ENGASE: variants seen among roughly 807,000 people sequenced by gnomAD.
The protein encoded by ENGASE is endo-beta-N-acetylglucosaminidase, also known as cytosolic endo-beta-N-acetylglucosaminidase.
A neutral mutation model predicts 78.5 loss-of-function variants in ENGASE; 69 were observed. The ratio of observed to expected loss-of-function variants is 0.88; its 90% CI spans 0.72 to 1.07. The LOEUF is 1.07. ENGASE is among the 50% of genes least tolerant of loss of function. ENGASE has a pLI of 0.00. For missense variants in ENGASE, 943 were observed against 988.4 expected (o/e 0.95, Z 0.62); for synonymous variants, 408 against 408.9 (o/e 1.00, Z 0.03).
chr17:79,078,121 C>A (rs2073014126), intron 3 of ENGASE, among the ~76,000 whole-genome samples: 1 of 152,138 alleles, frequency 6.6e-6, no homozygotes, highest in Non-Finnish European at 1.5e-5. Context: ...AGGTGGGTCA[C>A]CTGACCTCAG....
intron 1 of ENGASE, among the ~76,000 whole-genome samples, chr17:79,075,391 C>A (rs541265120): frequency 6.6e-6 from 1 of 152,348 alleles, no homozygotes; most frequent in Admixed American, 6.5e-5. Flanking sequence ...CCCGGCCAGA[C>A]CCCTGCTTCC....
Position 79,077,464 on chromosome 17 carries a change from G to A in ENGASE, c.181G>A (p.Glu61Lys). 6.3e-7 allele frequency: 1 copy of A among 1,576,770 alleles called. No individual in the cohort carries two copies. The highest frequency in any genetic ancestry group is 8.6e-7 in the Non-Finnish European group (1 of 1,166,436). Residue 61 changes from glutamate to lysine, a missense_variant, in exon 2 of 14, where the codon GAG becomes AAG. Coordinates refer to ENST00000579016, the MANE Select transcript of ENGASE (RefSeq NM_001042573.3). ...TGAAGAAGAAGAGACAGTCTTTCGA[G>A]AGGTGGTCAGTTTTTCCCCGGACCC... The part of the protein sequence containing the change: ...KDEEEETVFR[E>K]VVSFSPDPLP...
chr17:79,074,909 G>T lies in ENGASE; in HGVS notation c.-36G>T, dbSNP rs2145960895. 1 of 1,254,130 alleles carries T rather than the reference G, an allele frequency of 8.0e-7. No homozygotes were observed. Among genetic ancestry groups the T allele is most frequent in the East Asian group, 3.0e-5 (1 of 33,042 alleles). 77.7% of individuals were successfully genotyped at this position (1,254,130 alleles called of 1,614,324 possible). Reference sequence around the variant, plus strand: ...GAGCGCGGCGCGGGGGCGGGCCCGGGCCTGCGATTGCCTCTCGGCGTGCGC... The same window carrying T: ...GAGCGCGGCGCGGGGGCGGGCCCGGTCCTGCGATTGCCTCTCGGCGTGCGC... On this transcript the variant is annotated 5_prime_UTR_variant, in exon 1 of 14. Transcript: ENST00000579016.
In ENGASE at chr17:79,083,605, T is replaced by G; in HGVS notation, c.1251+15T>G. On this transcript the variant is annotated intron_variant, in intron 9 of 13. Coordinates refer to ENST00000579016, the MANE Select transcript of ENGASE (RefSeq NM_001042573.3). The surrounding 1 kb of genome is among the most constrained non-coding windows in gnomAD (Gnocchi z 4.9). ...GCTATGGCCAGGTGGGTGGGTGTCT[T>G]CCCTCCGTGTCTGTCCTCTGGCCTC... 3.1e-6 allele frequency: 5 copies of G among 1,605,392 alleles called. No homozygotes were observed. The highest frequency in any genetic ancestry group is 3.4e-6 in the Non-Finnish European group (4 of 1,172,316).
At chr17:79,076,237 G>A (rs1339023399) in intron 1 of ENGASE, among the ~76,000 whole-genome samples, 1 of 152,206 alleles carries the variant, frequency 6.6e-6, no homozygotes, top group Non-Finnish European at 1.5e-5. Context: ...CCTCTAAATA[G>A]CCACTGCGGT....
Position 79,076,532 on chromosome 17 carries a change from C to G in ENGASE, c.147-898C>G, listed in dbSNP as rs2072971698. ...TGAGCTGAGATTTCACCACCTTACT[C>G]CAGCCTGGGCGACAGAGCGAGACTC... On this transcript the variant is annotated intron_variant, in intron 1 of 13. Coordinates refer to ENST00000579016, the MANE Select transcript of ENGASE (RefSeq NM_001042573.3). 2.0e-5 allele frequency among the ~76,000 whole-genome samples: 3 copies of G among 152,212 alleles called. No individual in the cohort carries two copies. The South Asian group carries it at 6.2e-4, about 32-fold the overall frequency.
chr17:79,087,433 C>G lies in ENGASE; in HGVS notation c.*1084C>G, dbSNP rs1332712586. The G allele has an allele frequency of 4.6e-6, 1 of 215,210 alleles. No homozygotes were observed. The highest frequency in any genetic ancestry group is 9.6e-6 in the Non-Finnish European group (1 of 103,696). 13.3% of individuals were successfully genotyped at this position (215,210 alleles called of 1,614,324 possible). On this transcript the variant is annotated 3_prime_UTR_variant, in exon 14 of 14. Coordinates refer to ENST00000579016, the MANE Select transcript of ENGASE (RefSeq NM_001042573.3). Reference sequence around the variant, plus strand: ...CCTTCCTCTGTCCTTCCTGCTCTTTCTTCTCTGCCCAGGCCGCTGCAGCTG... The same window carrying G: ...CCTTCCTCTGTCCTTCCTGCTCTTTGTTCTCTGCCCAGGCCGCTGCAGCTG...
Position 79,080,355 on chromosome 17 carries a change from C to T in ENGASE, c.714C>T (p.Asn238=). The change falls in exon 5 of 14, where the codon AAC becomes AAT. Residue 238 remains asparagine, a synonymous_variant. Coordinates refer to ENST00000579016, the MANE Select transcript of ENGASE (RefSeq NM_001042573.3). ...RFDGWLINIE[N]SLSLAAVGNM... is the part of the protein sequence containing the mutation. ...ATGGCTGGCTGATCAACATCGAGAACTCGCTGAGTGTGAGTGCCCAGCCCT... is the reference window on the plus strand; with the variant it reads ...ATGGCTGGCTGATCAACATCGAGAATTCGCTGAGTGTGAGTGCCCAGCCCT... 6.2e-7 allele frequency: 1 copy of T among 1,613,304 alleles called. No individual in the cohort carries two copies. Among genetic ancestry groups the T allele is most frequent in the Non-Finnish European group, 8.5e-7 (1 of 1,179,998 alleles).
Position 79,085,711 on chromosome 17 carries a change from A to C in ENGASE, c.1792A>C (p.Thr598Pro). ...GGGTAGTCGGGAGGAGGAGAGCTTC[A>C]CCTGTCGGCTTGGAGAGATCCAGGT... ...PPGSREEESFTCRLGEIQVVD... is the reference protein window; with the variant it reads ...PPGSREEESFPCRLGEIQVVD... Residue 598 changes from threonine to proline, a missense_variant, in exon 13 of 14, where the codon ACC becomes CCC. By Grantham distance (38) the Thr-to-Pro change is conservative. Transcript: ENST00000579016. The C allele has an allele frequency of 6.2e-7, 1 of 1,613,588 alleles. No individual in the cohort carries two copies. Among genetic ancestry groups the C allele is most frequent in the South Asian group, 1.1e-5 (1 of 91,056 alleles).
chr17:79,085,072 A>T lies in ENGASE; in HGVS notation c.1592-162A>T, dbSNP rs191410499. On this transcript the variant is annotated intron_variant, in intron 11 of 13. Transcript: ENST00000579016. ...CTGACCCCAGACACGCATTTCCTTC[A>T]CCGAGCTCCTCCGGAGTCCTTGCTG... Among the ~76,000 whole-genome samples the T allele has an allele frequency of 5.9e-5, 9 of 152,156 alleles. No homozygotes were observed. In the East Asian group the frequency reaches 1.7e-3, roughly 30 times the overall value.
intron 5 of ENGASE, 33 bp downstream of exon 5, chr17:79,080,397 C>A: frequency 6.2e-7 from 1 of 1,605,194 alleles, no homozygotes; most frequent in Non-Finnish European, 8.5e-7. Context: ...CCTCCCCGCC[C>A]CTTGCTGTGT....
chr17:79,078,477 G>A (rs2073023553), intron 3 of ENGASE, among the ~76,000 whole-genome samples: 1 of 152,152 alleles, frequency 6.6e-6, no homozygotes, highest in African/African-American at 2.4e-5. Context: ...GCAGGCAGGG[G>A]GTCCTCTTCG....
intron 7 of ENGASE, chr17:79,082,595 T>G: frequency 7.9e-7 from 1 of 1,259,788 alleles, no homozygotes. Context: ...TCTGCCTGCC[T>G]CTGGTCTATC....
chr17:79,083,833 G>C lies in ENGASE; in HGVS notation c.1324G>C (p.Gly442Arg). 2 of 1,612,998 alleles carry C rather than the reference G, an allele frequency of 1.2e-6. No individual in the cohort carries two copies. Among genetic ancestry groups the C allele is most frequent in the Non-Finnish European group, 1.7e-6 (2 of 1,179,778 alleles). ...GCCCTTGTTTGGAGAACACAGGCTG[G>C]GAGGGGATGGCCGGGGCTGGGTGAG... ...IQPLFGEHRL[G>R]GDGRGWVRTH... Residue 442 changes from glycine to arginine, a missense_variant, in exon 10 of 14, where the codon GGA (glycine) becomes CGA (arginine). Transcript: ENST00000579016. The surrounding 1 kb of genome is among the most constrained non-coding windows in gnomAD (Gnocchi z 4.9).
rs1036047940 is a variant in ENGASE, at chr17:79,087,210, G to C, written c.*861G>C. The C allele has an allele frequency of 5.5e-6, 2 of 364,230 alleles. No homozygotes were observed. The highest frequency in any genetic ancestry group is 3.4e-5 in the Admixed American group (1 of 29,726). The allele number at this position is 364,230 out of a possible 1,614,324, so 22.6% of individuals were successfully genotyped here. A position where few individuals can be genotyped will look rare whatever the true frequency, so the allele number is the denominator to read the frequency against. On this transcript the variant is annotated 3_prime_UTR_variant, in exon 14 of 14. Coordinates refer to ENST00000579016, the MANE Select transcript of ENGASE (RefSeq NM_001042573.3). ...TCAGTCCAGGCAGGAAGCAGCACCT[G>C]CCCCCCGCGCCAGCCCAGCCCCAGC... is the stretch of plus-strand genomic sequence containing the variant.
intron 1 of ENGASE, 138 bp from the exon 2 acceptor site, chr17:79,077,292 A>G (rs1470252006): frequency 2.7e-5 from 21 of 787,508 alleles, no homozygotes; most frequent in Non-Finnish European, 3.7e-5. Flanking sequence ...GCTTTATACA[A>G]TGTTTCTATA....
chr17:79,082,739 G>A (rs1248817720), intron 7 of ENGASE: 8 of 1,423,578 alleles, frequency 5.6e-6, no homozygotes, highest in Non-Finnish European at 5.6e-6. Flanking sequence ...GTGTGCCAGA[G>A]GACAATGGGA....
At chr17:79,075,762 G>A (rs2072954234) in intron 1 of ENGASE, 1 of 985,468 alleles carries the variant, frequency 1.0e-6, no homozygotes, top group Non-Finnish European at 1.2e-6. Context: ...ACCCAAAGCA[G>A]TGAGACTGCT....
chr17:79,078,010 C>T (rs1009903113), intron 3 of ENGASE, 146 bp downstream of exon 3: 38 of 797,830 alleles, frequency 4.8e-5, no homozygotes, highest in Non-Finnish European at 6.2e-5. Flanking sequence ...GCACTAACTG[C>T]GAGAAGAAGG....
Sources: allele counts gnomAD v4.1 joint callset (sites outside exome capture counted in the v4.1 genomes callset), GRCh38; gene constraint gnomAD v4.1.1; non-coding constraint Gnocchi (gnomAD v3.1); transcripts MANE v1.5; gene names NCBI Gene and HGNC (gene_info 2026-07-23, HGNC 2026-07-21).